SRSF10: variants seen among roughly 807,000 people sequenced by gnomAD.
SRSF10 encodes serine/arginine-rich splicing factor 10.
In SRSF10, 9 loss-of-function variants were observed where a neutral mutation model predicts 32.6. The observed-to-expected ratio is 0.28, with a 90% CI of 0.17 to 0.48. SRSF10 has a LOEUF of 0.48. Among genes scored for constraint, SRSF10 ranks in the 20% least tolerant of loss-of-function variants. The pLI is 0.99. For missense variants in SRSF10, 201 were observed against 331.8 expected (o/e 0.61, Z 3.06); for synonymous variants, 105 against 112.4 (o/e 0.93, Z 0.42).
rs1641363740 is a variant in SRSF10, at chr1:23,964,544, G to A, written c.*6598C>T. 1.3e-5 allele frequency among the ~76,000 whole-genome samples: 2 copies of A among 151,942 alleles called. No individual in the cohort carries two copies. Among genetic ancestry groups the A allele is most frequent in the Admixed American group, 6.6e-5 (1 of 15,242 alleles). ...TTCTTTTCGATGGCAGTTATACTAT[G>A]ATGGAATCCAGGTCCAAAACCTATC... On this transcript the variant is annotated 3_prime_UTR_variant, in exon 6 of 6. Transcript: ENST00000492112.
chr1:23,969,075 C>A lies in SRSF10; in HGVS notation c.*2067G>T. On this transcript the variant is annotated 3_prime_UTR_variant, in exon 6 of 6. Coordinates refer to ENST00000492112, the MANE Select transcript of SRSF10 (RefSeq NM_054016.4). ...CAATACTGTAATAATTCCAGTTAAT[C>A]ATTATTTCCTTCATTTTGTTTTTAT... 1 of 938,672 alleles carries A rather than the reference C, an allele frequency of 1.1e-6. No individual in the cohort carries two copies. The highest frequency in any genetic ancestry group is 1.2e-4 in the East Asian group (1 of 8,578). 58.1% of individuals were successfully genotyped at this position (938,672 alleles called of 1,614,324 possible).
chr1:23,973,412 T>A (rs1641891223), intron 3 of SRSF10, among the ~76,000 whole-genome samples: 1 of 152,130 alleles, frequency 6.6e-6, no homozygotes, highest in East Asian at 1.9e-4. Context: ...TCTCTGCAAC[T>A]TCAACCTCCT....
intron 3 of SRSF10, 146 bp downstream of exon 3, chr1:23,974,828 G>C: frequency 1.5e-6 from 1 of 656,200 alleles, no homozygotes; most frequent in Non-Finnish European, 2.6e-6. Context: ...GTGAGACTCC[G>C]TCTCAAAAAA....
At chr1:23,974,138 C>T (rs1489796037) in intron 3 of SRSF10, among the ~76,000 whole-genome samples, 1 of 152,060 alleles carries the variant, frequency 6.6e-6, no homozygotes, top group African/African-American at 2.4e-5. Context: ...ACTACAGGTG[C>T]AGGCCACCAT....
Position 23,969,884 on chromosome 1 carries a change from C to T in SRSF10, c.*1258G>A. ...ATCACCTAGAATGAGTGTTGTCTTA[C>T]AACTTGCCTCGTATTAAATAAACTG... On this transcript the variant is annotated 3_prime_UTR_variant, in exon 6 of 6. Coordinates refer to ENST00000492112, the MANE Select transcript of SRSF10 (RefSeq NM_054016.4). 1 of 985,382 alleles carries T rather than the reference C, an allele frequency of 1.0e-6. No individual in the cohort carries two copies. Among genetic ancestry groups the T allele is most frequent in the Non-Finnish European group, 1.2e-6 (1 of 829,922 alleles). The allele number at this position is 985,382 out of a possible 1,614,324, so 61.0% of individuals were successfully genotyped here.
rs749652992 is a variant in SRSF10, at chr1:23,971,600, C to G, written c.464G>C (p.Arg155Pro). The change falls in exon 5 of 6, where the codon CGT becomes CCT. Residue 155 changes from arginine to proline, a missense_variant. Physicochemically the swap from Arg to Pro is moderately radical, Grantham distance 103. This residue lies in a region of SRSF10 where 159 missense variants were observed against 196.7 expected (regional missense o/e 0.81). Coordinates refer to ENST00000492112, the MANE Select transcript of SRSF10 (RefSeq NM_054016.4). ...ATCATTGTCGGAATGGCTTCTGCTA[C>G]GCCGTGGTCTTCCAGTCGGTCTACT... ...RNSRPTGRPR[R>P]SRSHSDNDRF... 6.2e-7 allele frequency: 1 copy of G among 1,611,012 alleles called. No homozygotes were observed. Among genetic ancestry groups the G allele is most frequent in the East Asian group, 2.2e-5 (1 of 44,868 alleles).
intron 4 of SRSF10, 77 bp downstream of exon 4, chr1:23,971,773 T>C (rs3795304): frequency 0.49 from 732,433 of 1,508,340 alleles, 183,839 homozygotes; most frequent in East Asian, 0.59. Context: ...ATTAAAAGTA[T>C]ACAAAATAGT....
chr1:23,969,536 A>G lies in SRSF10; in HGVS notation c.*1606T>C. ...GTTGTATTCTTTACAGGCAAAGCCT[A>G]GATTACTAAAACCGAAATTGAAAAA... On this transcript the variant is annotated 3_prime_UTR_variant, in exon 6 of 6. Coordinates refer to ENST00000492112, the MANE Select transcript of SRSF10 (RefSeq NM_054016.4). 1.0e-6 allele frequency: 1 copy of G among 985,386 alleles called. No individual in the cohort carries two copies. The highest frequency in any genetic ancestry group is 1.2e-6 in the Non-Finnish European group (1 of 829,854). 61.0% of individuals were successfully genotyped at this position (985,386 alleles called of 1,614,324 possible). A position where few individuals can be genotyped will look rare whatever the true frequency, so the allele number is the denominator to read the frequency against.
chr1:23,978,180 G>A, intron 2 of SRSF10: 1 of 985,052 alleles, frequency 1.0e-6, no homozygotes, highest in Non-Finnish European at 1.2e-6. Flanking sequence ...AGAGGTCTTT[G>A]GCTTGTCTAC....
At chr1:23,974,213 C>T (rs1419485356) in intron 3 of SRSF10, among the ~76,000 whole-genome samples, 5 of 152,098 alleles carry the variant, frequency 3.3e-5, no homozygotes. Flanking sequence ...GATCCACCCA[C>T]CTCGGCCTCC....
intron 3 of SRSF10, 94 bp from the exon 4 acceptor site, chr1:23,972,106 A>C: frequency 4.6e-6 from 5 of 1,088,544 alleles, no homozygotes; most frequent in South Asian, 4.2e-5. Flanking sequence ...ATCCCCTCTT[A>C]TATCCCAAAG....
rs1425097200 is a variant in SRSF10 at position 23,969,235 on chromosome 1, A to G, written c.*1907T>C. The G allele has an allele frequency of 6.3e-5, 62 of 985,256 alleles. No individual in the cohort carries two copies. The South Asian group carries it at 9.9e-4, about 16-fold the overall frequency. The allele number at this position is 985,256 out of a possible 1,614,324, so 61.0% of individuals were successfully genotyped here. ...TAAAAATACCTTTTTAGAAGCCTCTATAAGAAAGAAAATACAAAGTTTAAC... is the reference window on the plus strand; with the variant it reads ...TAAAAATACCTTTTTAGAAGCCTCTGTAAGAAAGAAAATACAAAGTTTAAC... On this transcript the variant is annotated 3_prime_UTR_variant, in exon 6 of 6. Coordinates refer to ENST00000492112, the MANE Select transcript of SRSF10 (RefSeq NM_054016.4).
In SRSF10 at chr1:23,967,599, C is replaced by A. The variant is rs1641515015; in HGVS notation, c.*3543G>T. On this transcript the variant is annotated 3_prime_UTR_variant, in exon 6 of 6. Coordinates refer to ENST00000492112, the MANE Select transcript of SRSF10 (RefSeq NM_054016.4). ...TCAAAATATTCGTACAGTATTCATA[C>A]TGCAGCACCTTCCACCCACCCTTTG... The A allele has an allele frequency of 9.8e-6, 9 of 914,812 alleles. No homozygotes were observed. The highest frequency in any genetic ancestry group is 1.6e-5 in the Non-Finnish European group (9 of 549,900). 56.7% of individuals were successfully genotyped at this position (914,812 alleles called of 1,614,324 possible).
chr1:23,965,496 A>T lies in SRSF10; in HGVS notation c.*5646T>A, dbSNP rs1164182074. On this transcript the variant is annotated 3_prime_UTR_variant, in exon 6 of 6. Coordinates refer to ENST00000492112, the MANE Select transcript of SRSF10 (RefSeq NM_054016.4). Reference sequence around the variant, plus strand: ...ATAGCATAATATGCAAGAAGCTATCACATGATGGGTATTCTACAAAGGACA... The same window carrying T: ...ATAGCATAATATGCAAGAAGCTATCTCATGATGGGTATTCTACAAAGGACA... 3 of 152,056 alleles carry T rather than the reference A, an allele frequency of 2.0e-5. No homozygotes were observed. The highest frequency in any genetic ancestry group is 7.2e-5 in the African/African-American group (3 of 41,452). 9.4% of individuals were successfully genotyped at this position (152,056 alleles called of 1,614,324 possible). A position where few individuals can be genotyped will look rare whatever the true frequency, so the allele number is the denominator to read the frequency against.
At position 23,966,808 on chromosome 1, in the gene SRSF10, T is replaced by G. The variant is rs1401945736; in HGVS notation, c.*4334A>C. ...TATAATAATGTGATCAAATACTGGATACTTTTAAATGGCAGATAACCACAC... is the reference window on the plus strand; with the variant it reads ...TATAATAATGTGATCAAATACTGGAGACTTTTAAATGGCAGATAACCACAC... On this transcript the variant is annotated 3_prime_UTR_variant, in exon 6 of 6. Coordinates refer to ENST00000492112, the MANE Select transcript of SRSF10 (RefSeq NM_054016.4). 6.6e-6 allele frequency: 1 copy of G among 152,090 alleles called. No individual in the cohort carries two copies. The highest frequency in any genetic ancestry group is 2.4e-5 in the African/African-American group (1 of 41,436). 9.4% of individuals were successfully genotyped at this position (152,090 alleles called of 1,614,324 possible). A position where few individuals can be genotyped will look rare whatever the true frequency, so the allele number is the denominator to read the frequency against.
rs1182088721 is a variant in SRSF10 at position 23,966,447 on chromosome 1, TTG to T, written c.*4693_*4694del. On this transcript the variant is annotated 3_prime_UTR_variant, in exon 6 of 6. Coordinates refer to ENST00000492112, the MANE Select transcript of SRSF10 (RefSeq NM_054016.4). ...AAGAAACTAAGGAATCCAAAACATT[TTG>T]TGATACTATAAAAGTTATTTATTCG... 6.6e-6 allele frequency: 1 copy of T among 151,994 alleles called. No individual in the cohort carries two copies. Among genetic ancestry groups the T allele is most frequent in the African/African-American group, 2.4e-5 (1 of 41,438 alleles). 9.4% of individuals were successfully genotyped at this position (151,994 alleles called of 1,614,324 possible). A position where few individuals can be genotyped will look rare whatever the true frequency, so the allele number is the denominator to read the frequency against.
Position 23,970,493 on chromosome 1 carries a change from T to C in SRSF10, c.*649A>G. On this transcript the variant is annotated 3_prime_UTR_variant, in exon 6 of 6. Transcript: ENST00000492112. ...CTCTTGCCTCAGCCTCCTGAGTAGC[T>C]GAGATTACAGGCATGTGCCACCATG... 1.8e-6 allele frequency: 1 copy of C among 545,474 alleles called. No homozygotes were observed. The highest frequency in any genetic ancestry group is 2.3e-6 in the Non-Finnish European group (1 of 428,716). 33.8% of individuals were successfully genotyped at this position (545,474 alleles called of 1,614,324 possible).
Position 23,970,973 on chromosome 1 carries a change from A to G in SRSF10, c.*169T>C, listed in dbSNP as rs1174238715. On this transcript the variant is annotated 3_prime_UTR_variant, in exon 6 of 6. Transcript: ENST00000492112. ...ACATTAAACAAACTGGACTCTTAAGAGTGGCTTCTCAACAGCATATCATTT... is the reference window on the plus strand; with the variant it reads ...ACATTAAACAAACTGGACTCTTAAGGGTGGCTTCTCAACAGCATATCATTT... The G allele has an allele frequency of 7.1e-7, 1 of 1,401,710 alleles. No homozygotes were observed. The highest frequency in any genetic ancestry group is 9.2e-7 in the Non-Finnish European group (1 of 1,083,036). 86.8% of individuals were successfully genotyped at this position (1,401,710 alleles called of 1,614,324 possible). A position where few individuals can be genotyped will look rare whatever the true frequency, so the allele number is the denominator to read the frequency against.
At chr1:23,978,343 T>C (rs987436846) in intron 2 of SRSF10, 1 of 989,522 alleles carries the variant, frequency 1.0e-6, no homozygotes. Context: ...GTTATACAAT[T>C]TGTTTTTGAT....
Sources: gnomAD v4.1 joint callset for allele counts (sites outside exome capture counted in the v4.1 genomes callset) on GRCh38, gnomAD v4.1.1 for gene constraint, gnomAD v4.1.1 regional missense constraint, MANE v1.5 for transcripts, NCBI Gene and HGNC (gene_info 2026-07-23, HGNC 2026-07-21) for gene names.